Variants in ZNF846 observed in about 807,000 individuals in gnomAD.
ZNF846 encodes zinc finger protein 420 pseudogene.
In ZNF846, 15 loss-of-function variants were observed where a neutral mutation model predicts 16.0. That is an observed-to-expected ratio of 0.94 (90% confidence interval 0.63 to 1.45). The LOEUF is 1.45. ZNF846 is among the 40% of genes most tolerant of loss of function. ZNF846 has a pLI of 0.00. For missense variants in ZNF846, 714 were observed against 622.3 expected (o/e 1.15, Z -1.57); for synonymous variants, 229 against 212.0 (o/e 1.08, Z -0.70).
At chr19:9,756,345 G>GTGTATATA (rs1321690890), downstream of ZNF846, 369 of 81,672 alleles carry the variant, frequency 4.5e-3, 5 homozygotes, top group Middle Eastern at 0.014. Flanking sequence ...GTGTGTGTGT[G>GTGTATATA]TATATATATA....
chr19:9,767,497 A>C (rs2045336252), intron 1 of ZNF846, among the ~76,000 whole-genome samples: 2 of 152,174 alleles, frequency 1.3e-5, no homozygotes, highest in African/African-American at 4.8e-5. Context: ...ATATTAACAA[A>C]TGATCAGTCT....
upstream of ZNF846, among the ~76,000 whole-genome samples, chr19:9,773,012 G>A (rs989208312): frequency 3.3e-5 from 5 of 152,028 alleles, no homozygotes; most frequent in African/African-American, 4.8e-5. Flanking sequence ...AACTAAAACC[G>A]ACCATGCCCC....
chr19:9,771,871 G>T (rs1422939549), upstream of ZNF846, among the ~76,000 whole-genome samples: 13 of 151,890 alleles, frequency 8.6e-5, no homozygotes, highest in Admixed American at 8.5e-4. Context: ...GGGTTCAAAT[G>T]ATTCTCCTGC....
chr19:9,750,757 A>C (rs554447146), downstream of ZNF846, among the ~76,000 whole-genome samples: 1 of 152,206 alleles, frequency 6.6e-6, no homozygotes, highest in African/African-American at 2.4e-5. Context: ...CCTCTGTCAC[A>C]CCATTCTGCA....
At chr19:9,758,748 G>A in exon 6 of ZNF846, 1 of 1,574,010 alleles carries the variant, frequency 6.4e-7, no homozygotes, top group Non-Finnish European at 8.6e-7. Context: ...CAGTTTCTCT[G>A]CAGTATTGCT....
At chr19:9,749,323 A>C (rs901606557), downstream of ZNF846, among the ~76,000 whole-genome samples, 48 of 151,990 alleles carry the variant, frequency 3.2e-4, no homozygotes, top group African/African-American at 1.1e-3. Context: ...TGTCATCCCT[A>C]TTATCTTCTG....
intron 1 of ZNF846, among the ~76,000 whole-genome samples, chr19:9,782,303 T>G (rs973761538): frequency 1.3e-5 from 2 of 152,192 alleles, no homozygotes; most frequent in African/African-American, 4.8e-5. Context: ...TCTCAATCTC[T>G]CACCCAGGCT....
chr19:9,750,047 C>G (rs552195689), downstream of ZNF846, among the ~76,000 whole-genome samples: 1 of 152,084 alleles, frequency 6.6e-6, no homozygotes, highest in Non-Finnish European at 1.5e-5. Flanking sequence ...TTTAGGAAAC[C>G]TTCCACCATC....
chr19:9,776,358 T>G (rs2045442737), intron 1 of ZNF846, among the ~76,000 whole-genome samples: 1 of 152,176 alleles, frequency 6.6e-6, no homozygotes, highest in African/African-American at 2.4e-5. Flanking sequence ...TGTTCCATCC[T>G]GTACACCTGG....
At chr19:9,764,637 C>T (rs1017114111) in intron 2 of ZNF846, among the ~76,000 whole-genome samples, 17 of 152,194 alleles carry the variant, frequency 1.1e-4, no homozygotes, top group Non-Finnish European at 1.8e-4. Context: ...CGGTGACCCC[C>T]CTGGACCCAG....
intron 4 of ZNF846, among the ~76,000 whole-genome samples, chr19:9,760,917 A>G (rs1317747009): frequency 6.6e-6 from 1 of 151,236 alleles, no homozygotes; most frequent in East Asian, 1.9e-4. Context: ...TTGAAACTAG[A>G]CCAAGCACAC....
intron 1 of ZNF846, among the ~76,000 whole-genome samples, chr19:9,779,294 G>A (rs1479095536): frequency 6.6e-6 from 1 of 152,080 alleles, no homozygotes; most frequent in Non-Finnish European, 1.5e-5. Flanking sequence ...TTGAGACTGA[G>A]TTTCACTCTT....
chr19:9,765,455 G>A (rs1017443963), intron 1 of ZNF846, among the ~76,000 whole-genome samples: 22 of 152,026 alleles, frequency 1.4e-4, no homozygotes, highest in Admixed American at 1.0e-3. Context: ...GGTGGATCAC[G>A]AGGTTAGGAG....
intron 1 of ZNF846, among the ~76,000 whole-genome samples, chr19:9,777,538 G>T (rs2045459106): frequency 6.6e-6 from 1 of 151,942 alleles, no homozygotes; most frequent in South Asian, 2.1e-4. Flanking sequence ...GGGCGTGGTG[G>T]CATGTGCCTG....
At chr19:9,764,130 G>C (rs1002071273) in intron 2 of ZNF846, among the ~76,000 whole-genome samples, 1 of 152,206 alleles carries the variant, frequency 6.6e-6, no homozygotes, top group African/African-American at 2.4e-5. Flanking sequence ...CCCTTGTGGA[G>C]AGCCTATAAA....
downstream of ZNF846, chr19:9,757,367 C>T: frequency 1.1e-6 from 1 of 898,374 alleles, no homozygotes. Context: ...AAATTCATTC[C>T]TATTATATAA....
exon 5 of ZNF846, chr19:9,759,880 A>T: frequency 6.2e-7 from 1 of 1,613,024 alleles, no homozygotes. Context: ...CCATTTGGTG[A>T]TCTTTCTGCA....
chr19:9,767,303 T>G (rs1401836758), intron 1 of ZNF846, among the ~76,000 whole-genome samples: 1 of 151,858 alleles, frequency 6.6e-6, no homozygotes, highest in African/African-American at 2.4e-5. Context: ...ACCTGGCTAA[T>G]TTTGTATTTT....
At chr19:9,770,695 C>T (rs1412077228), upstream of ZNF846, among the ~76,000 whole-genome samples, 1 of 151,572 alleles carries the variant, frequency 6.6e-6, no homozygotes, top group Non-Finnish European at 1.5e-5. Flanking sequence ...TGGTGAAACA[C>T]GGTCTCTACT....
Sources: gnomAD v4.1 joint callset for allele counts (sites outside exome capture counted in the v4.1 genomes callset) on GRCh38, gnomAD v4.1.1 for gene constraint, MANE v1.5 for transcripts, NCBI Gene and HGNC (gene_info 2026-07-23, HGNC 2026-07-21) for gene names.